TOP1MT: variants seen among roughly 807,000 people sequenced by gnomAD.
TOP1MT encodes the protein DNA topoisomerase I mitochondrial, also known as DNA topoisomerase I, mitochondrial.
In TOP1MT, 80 loss-of-function variants were observed where a neutral mutation model predicts 73.9. The ratio of observed to expected loss-of-function variants is 1.08; its 90% CI spans 0.90 to 1.30. The LOEUF is 1.30. TOP1MT is among the 50% of genes most tolerant of loss of function. The pLI is 0.00. For missense variants in TOP1MT, 815 were observed against 808.0 expected, an observed-to-expected ratio of 1.01 and a Z score of -0.10; for synonymous variants, 338 against 326.4, an observed-to-expected ratio of 1.04 and a Z score of -0.38.
chr8:143,321,450 C>A, intron 7 of TOP1MT, 64 bp from the exon 8 acceptor site: 1 of 1,324,432 alleles, frequency 7.6e-7, no homozygotes, highest in Non-Finnish European at 1.0e-6. Flanking sequence ...ACACGCACGC[C>A]ACACACACGC....
At chr8:143,318,521 C>T (rs193206552) in intron 8 of TOP1MT, among the ~76,000 whole-genome samples, 133 of 152,322 alleles carry the variant, frequency 8.7e-4, no homozygotes, top group African/African-American at 3.0e-3. Context: ...ACATTAATTC[C>T]CTTCTGGAAA....
chr8:143,324,503 G>T lies in TOP1MT; in HGVS notation c.798C>A (p.Asn266Lys), dbSNP rs201490359. The T allele has an allele frequency of 3.4e-5, 55 of 1,613,964 alleles. No individual in the cohort carries two copies. In the African/African-American group the frequency reaches 6.3e-4, roughly 18 times the overall value. Residue 266 changes from asparagine to lysine, a missense_variant, in exon 6 of 14, where the codon AAC (asparagine) becomes AAA (lysine). Physicochemically the swap from Asn to Lys is moderately conservative, Grantham distance 94. Around this residue, in one of 3 missense-constraint regions of TOP1MT, gnomAD observed 751 missense variants for 725.4 expected, o/e 1.04. Transcript: ENST00000329245. ...VQNSIKYIML[N>K]PCSKLKGETA... Reference sequence around the variant, plus strand: ...CGCTCACCTTCAGCTTCGAGCAAGGGTTCAGCATGATGTACTTGATGGAGT... The same window carrying T: ...CGCTCACCTTCAGCTTCGAGCAAGGTTTCAGCATGATGTACTTGATGGAGT...
intron 1 of TOP1MT, among the ~76,000 whole-genome samples, chr8:143,353,026 G>A (rs1449436192): frequency 6.6e-6 from 1 of 152,108 alleles, no homozygotes; most frequent in Non-Finnish European, 1.5e-5. Flanking sequence ...ACACCATCAA[G>A]AAAGCAAAAA....
chr8:143,317,838 C>A lies in TOP1MT; in HGVS notation c.1216-1G>T, dbSNP rs1816216530. On this transcript the variant is annotated splice_acceptor_variant, in intron 9 of 13. Coordinates refer to ENST00000329245, the MANE Select transcript of TOP1MT (RefSeq NM_052963.3). LOFTEE classifies it high-confidence loss of function. ...GGAGGTGCTTGTTCAGGCTGGTCGT[C>A]TGGGGAGGAAAATGGTCTCTATAAT... The A allele has an allele frequency of 7.4e-6, 12 of 1,614,088 alleles. No homozygotes were observed. The highest frequency in any genetic ancestry group is 1.0e-5 in the Non-Finnish European group (12 of 1,179,972).
At chr8:143,343,196 T>A (rs779619377) in intron 2 of TOP1MT, 1 of 456,318 alleles carries the variant, frequency 2.2e-6, no homozygotes, top group South Asian at 1.5e-5. Flanking sequence ...GTTCACACAT[T>A]CATTTCCTAT....
At position 143,329,212 on chromosome 8, in the gene TOP1MT, A is replaced by G. The variant is rs965125797; in HGVS notation, c.360+138T>C. On this transcript the variant is annotated intron_variant, in intron 3 of 13. Transcript: ENST00000329245. Reference sequence around the variant, plus strand: ...AGCCCAGGAGCTCGAAGCTGCAAAGAGCCATGACGGCACCTGTGAGTGGTC... The same window carrying G: ...AGCCCAGGAGCTCGAAGCTGCAAAGGGCCATGACGGCACCTGTGAGTGGTC... The G allele has an allele frequency of 6.7e-5, 64 of 956,214 alleles. No individual in the cohort carries two copies. The African/African-American group carries it at 8.9e-4, about 13-fold the overall frequency. 59.2% of individuals were successfully genotyped at this position (956,214 alleles called of 1,614,324 possible).
upstream of TOP1MT, among the ~76,000 whole-genome samples, chr8:143,356,955 G>A (rs916885285): frequency 5.3e-5 from 8 of 151,432 alleles, no homozygotes; most frequent in Admixed American, 5.3e-4. Flanking sequence ...TTAGATGGGT[G>A]TGGTGGCGGG....
At chr8:143,337,467 T>C (rs1194279713), upstream of TOP1MT, among the ~76,000 whole-genome samples, 1 of 152,156 alleles carries the variant, frequency 6.6e-6, no homozygotes, top group Non-Finnish European at 1.5e-5. Flanking sequence ...CCCATCTAAA[T>C]TCCAGCTGGC....
At chr8:143,315,694 C>A (rs373049183) in intron 12 of TOP1MT, 33 bp downstream of exon 12, 9 of 1,586,886 alleles carry the variant, frequency 5.7e-6, no homozygotes, top group Non-Finnish European at 7.8e-6. Flanking sequence ...GACAGGGCCC[C>A]GGGAGAAGGC....
At chr8:143,351,468 G>A (rs1219953905) in intron 1 of TOP1MT, among the ~76,000 whole-genome samples, 1 of 152,048 alleles carries the variant, frequency 6.6e-6, no homozygotes, top group African/African-American at 2.4e-5. Flanking sequence ...CAGCTACTTG[G>A]GAGGCTGAGG....
chr8:143,319,164 G>C (rs1816258832), intron 8 of TOP1MT, among the ~76,000 whole-genome samples: 1 of 152,112 alleles, frequency 6.6e-6, no homozygotes, highest in Non-Finnish European at 1.5e-5. Context: ...TTCCCGACCA[G>C]ACTGCCTGAG....
chr8:143,328,013 A>G (rs1451157115), intron 3 of TOP1MT, among the ~76,000 whole-genome samples: 2 of 152,250 alleles, frequency 1.3e-5, no homozygotes, highest in Non-Finnish European at 2.9e-5. Context: ...TTTCTTAGAC[A>G]AAACAACAAA....
upstream of TOP1MT, among the ~76,000 whole-genome samples, chr8:143,358,824 G>A (rs1817455900): frequency 6.6e-6 from 1 of 152,208 alleles, no homozygotes; most frequent in East Asian, 1.9e-4. Flanking sequence ...AGAGGCAACC[G>A]GCCACGAGCC....
chr8:143,321,557 CCACACACACGCACGCCA>C (rs1563757802), intron 7 of TOP1MT, among the ~76,000 whole-genome samples, 171 bp from the exon 8 acceptor site: 1 of 106,166 alleles, frequency 9.4e-6, no homozygotes, highest in Non-Finnish European at 2.1e-5. Flanking sequence ...CACACGCACG[CCACACACACGCACGCCA>C]CACAGGCACG....
Position 143,324,027 on chromosome 8 carries a change from C to A in TOP1MT, c.932G>T (p.Arg311Leu), listed in dbSNP as rs753138890. Residue 311 changes from arginine (R) to leucine (L), a missense_variant, in exon 7 of 14, where the codon CGG (arginine) becomes CTG (leucine). This residue lies in a region of TOP1MT where 751 missense variants were observed against 725.4 expected (regional missense o/e 1.04). Coordinates refer to ENST00000329245, the MANE Select transcript of TOP1MT (RefSeq NM_052963.3). ...ATCGATGAAATACAGGGCCACCGCC[C>A]GCTGTCTCGTCTTCATTTCCCGAGA... The part of the protein sequence containing the change: ...WKSREMKTRQ[R>L]AVALYFIDKL... The A allele has an allele frequency of 6.2e-7, 1 of 1,613,682 alleles. No individual in the cohort carries two copies. The highest frequency in any genetic ancestry group is 1.3e-5 in the African/African-American group (1 of 74,918).
chr8:143,317,932 A>G (rs1816220966), intron 9 of TOP1MT, 86 bp downstream of exon 9: 2 of 1,594,172 alleles, frequency 1.3e-6, no homozygotes, highest in Admixed American at 1.7e-5. Flanking sequence ...TTGGGTCAGG[A>G]CAAAACCCTG....
chr8:143,358,674 G>A (rs574053481), upstream of TOP1MT: 1 of 152,426 alleles, frequency 6.6e-6, no homozygotes, highest in East Asian at 1.9e-4. Flanking sequence ...CCACCTGCAA[G>A]AAAACACACA....
intron 1 of TOP1MT, among the ~76,000 whole-genome samples, chr8:143,333,365 C>T (rs1032104263): frequency 1.3e-5 from 2 of 152,206 alleles, no homozygotes; most frequent in Non-Finnish European, 2.9e-5. Context: ...AGGAGAATCA[C>T]TTGAACCCAG....
At chr8:143,315,469 C>T (rs1024246950) in intron 12 of TOP1MT, among the ~76,000 whole-genome samples, 16 of 152,190 alleles carry the variant, frequency 1.1e-4, no homozygotes, top group Non-Finnish European at 1.8e-4. Flanking sequence ...TTTACCCTGC[C>T]CCTTTTGCTT....
Sources: gnomAD v4.1 joint callset for allele counts (sites outside exome capture counted in the v4.1 genomes callset) on GRCh38, gnomAD v4.1.1 for gene constraint, gnomAD v4.1.1 regional missense constraint, MANE v1.5 for transcripts, NCBI Gene and HGNC (gene_info 2026-07-23, HGNC 2026-07-21) for gene names.